Variants in ROR2 observed in about 807,000 individuals in gnomAD.
ROR2 encodes tyrosine-protein kinase transmembrane receptor ROR2.
Under a neutral mutation model 74.9 loss-of-function variants are expected in ROR2, and 33 were observed. The observed-to-expected ratio is 0.44, with a 90% CI of 0.33 to 0.59. The LOEUF is 0.59. Ranked by LOEUF, ROR2 falls within the 20% of genes least tolerant of loss-of-function variation. ROR2 has a pLI of 0.02. For missense variants in ROR2, 1,216 were observed against 1,313.8 expected (o/e 0.93, Z 1.15); for synonymous variants, 586 against 558.7 (o/e 1.05, Z -0.69).
intron 2 of ROR2, among the ~76,000 whole-genome samples, chr9:91,771,557 C>G (rs1438578385): frequency 1.3e-5 from 2 of 152,212 alleles, no homozygotes; most frequent in Non-Finnish European, 2.9e-5. Context: ...TAACCAAGTC[C>G]TACAGTCGCC....
chr9:91,908,233 G>C (rs560889967), intron 1 of ROR2, among the ~76,000 whole-genome samples: 18 of 152,294 alleles, frequency 1.2e-4, no homozygotes, highest in African/African-American at 4.1e-4. Flanking sequence ...GGGCTCCAAG[G>C]GAGACAATGG....
At chr9:91,784,470 G>A (rs1826727136) in intron 1 of ROR2, among the ~76,000 whole-genome samples, 1 of 152,172 alleles carries the variant, frequency 6.6e-6, no homozygotes, top group African/African-American at 2.4e-5. Flanking sequence ...AAAGATGCGT[G>A]CTGTGCAGTT....
intron 6 of ROR2, among the ~76,000 whole-genome samples, chr9:91,732,106 TG>T (rs796398406): frequency 3.9e-5 from 6 of 152,182 alleles, no homozygotes; most frequent in African/African-American, 1.4e-4. Context: ...TGGCTGGTCC[TG>T]GTAAGGAGTC....
chr9:91,884,859 C>T (rs1252324224), intron 1 of ROR2, among the ~76,000 whole-genome samples: 1 of 152,072 alleles, frequency 6.6e-6, no homozygotes, highest in Non-Finnish European at 1.5e-5. Flanking sequence ...CGCTTTGAGG[C>T]CAATTTTTAA....
At chr9:91,909,842 G>GTCTTTTTTTTTTTTTTTTTTTTTTTTTTT (rs1830913177) in intron 1 of ROR2, among the ~76,000 whole-genome samples, 1 of 55,978 alleles carries the variant, frequency 1.8e-5, no homozygotes, top group Non-Finnish European at 3.2e-5. Context: ...TTTTAGGTTT[G>GTCTTTTTTTTTTTTTTTTTTTTTTTTTTT]TTTTGTTTTT....
At chr9:91,777,441 A>G (rs1826458324) in intron 1 of ROR2, among the ~76,000 whole-genome samples, 1 of 151,928 alleles carries the variant, frequency 6.6e-6, no homozygotes, top group Non-Finnish European at 1.5e-5. Flanking sequence ...TCAAAATGTT[A>G]TTATTAGTTA....
chr9:91,873,802 G>A (rs574364102), intron 1 of ROR2, among the ~76,000 whole-genome samples: 4 of 152,246 alleles, frequency 2.6e-5, no homozygotes, highest in African/African-American at 9.6e-5. Flanking sequence ...CTCAGAGTCC[G>A]AAGCCGTGTT....
intron 1 of ROR2, among the ~76,000 whole-genome samples, chr9:91,893,739 G>A (rs1011676504): frequency 6.6e-6 from 1 of 151,820 alleles, no homozygotes; most frequent in African/African-American, 2.4e-5. Flanking sequence ...ACTGTATCCC[G>A]CCACTGATCA....
chr9:91,837,503 CGGGGA>C lies in ROR2; in HGVS notation c.98-61690_98-61686del, dbSNP rs1209165801. ...AAACTTAGCTGTTTAAGAAGGGAGG[CGGGGA>C]GAAGCCTTGCCATATTAAAACAATC... is the stretch of plus-strand genomic sequence containing the variant. On this transcript the variant is annotated intron_variant, in intron 1 of 8. Transcript: ENST00000375708. Among the ~76,000 whole-genome samples, 6 of 152,144 alleles carry C rather than the reference CGGGGA, an allele frequency of 3.9e-5. No individual in the cohort carries two copies. In the East Asian group the frequency reaches 7.7e-4, roughly 19 times the overall value.
chr9:91,727,836 T>C (rs1161710954), intron 7 of ROR2, among the ~76,000 whole-genome samples: 2 of 152,208 alleles, frequency 1.3e-5, no homozygotes, highest in Non-Finnish European at 2.9e-5. Context: ...AAAGTGAACA[T>C]GCTACTGCCA....
intron 2 of ROR2, among the ~76,000 whole-genome samples, chr9:91,773,814 G>A (rs576772721): frequency 9.8e-5 from 15 of 152,328 alleles, no homozygotes; most frequent in Middle Eastern, 6.8e-3. Flanking sequence ...CACTTGGCCA[G>A]TGTCCACTCT....
chr9:91,742,096 C>T (rs1388534483), intron 4 of ROR2, among the ~76,000 whole-genome samples: 1 of 152,186 alleles, frequency 6.6e-6, no homozygotes. Context: ...TTCCACATGG[C>T]TGTGGAGGCC....
At position 91,733,634 on chromosome 9, in the gene ROR2, C is replaced by T. The variant is rs999047996; in HGVS notation, c.623-198G>A. ...CACCAGCAGGCCAGCCTGCCCATCA[C>T]CTGCTCTGATTTGCAGCAGTCACAG... On this transcript the variant is annotated intron_variant, in intron 5 of 8. Coordinates refer to ENST00000375708, the MANE Select transcript of ROR2 (RefSeq NM_004560.4). The surrounding 1 kb of genome is among the most constrained non-coding windows in gnomAD (Gnocchi z 5.7). 1.3e-5 allele frequency among the ~76,000 whole-genome samples: 2 copies of T among 151,506 alleles called. No homozygotes were observed. Among genetic ancestry groups the T allele is most frequent in the African/African-American group, 4.8e-5 (2 of 41,250 alleles).
At chr9:91,830,076 T>A (rs1828415111) in intron 1 of ROR2, among the ~76,000 whole-genome samples, 1 of 152,232 alleles carries the variant, frequency 6.6e-6, no homozygotes, top group East Asian at 1.9e-4. Context: ...TCAACAAAAA[T>A]TATCTTTAAA....
intron 1 of ROR2, among the ~76,000 whole-genome samples, chr9:91,813,178 G>A (rs541577236): frequency 1.8e-4 from 27 of 152,122 alleles, no homozygotes; most frequent in African/African-American, 5.5e-4. Context: ...CTCAGCAAAG[G>A]AAATATAACA....
intron 2 of ROR2, among the ~76,000 whole-genome samples, chr9:91,773,139 GA>G (rs1336164544): frequency 1.3e-5 from 2 of 152,136 alleles, no homozygotes; most frequent in African/African-American, 4.8e-5. Context: ...CTCTGCTCCA[GA>G]AGCCTTGGCA....
chr9:91,892,052 GA>G (rs74312809), intron 1 of ROR2, among the ~76,000 whole-genome samples: 2,309 of 71,018 alleles, frequency 0.033, 21 homozygotes, highest in Non-Finnish European at 0.046. Context: ...TGTCTAAGAA[GA>G]AAAAAAAAAA....
chr9:91,917,715 C>T lies in ROR2; in HGVS notation c.97+32152G>A, dbSNP rs148026967. 5.3e-5 allele frequency among the ~76,000 whole-genome samples: 8 copies of T among 151,216 alleles called. No individual in the cohort carries two copies. In the East Asian group the frequency reaches 1.4e-3, roughly 26 times the overall value. ...TAGAGCTGCATAGGGGAGAGAGATG[C>T]GTGGGTGCACACTGGGGTTGGGGTG... is the stretch of plus-strand genomic sequence containing the variant. On this transcript the variant is annotated intron_variant, in intron 1 of 8. Coordinates refer to ENST00000375708, the MANE Select transcript of ROR2 (RefSeq NM_004560.4).
At chr9:91,927,562 C>CTTTTTTTTTTTTTTTTTTTTTTTTTTTTT in intron 1 of ROR2, among the ~76,000 whole-genome samples, 1 of 94,944 alleles carries the variant, frequency 1.1e-5, no homozygotes, top group African/African-American at 4.4e-5. Context: ...TTTCTAGATT[C>CTTTTTTTTTTTTTTTTTTTTTTTTTTTTT]TTTTTTTTTT....
Sources: allele counts gnomAD v4.1 joint callset (sites outside exome capture counted in the v4.1 genomes callset), GRCh38; gene constraint gnomAD v4.1.1; non-coding constraint Gnocchi (gnomAD v3.1); transcripts MANE v1.5; gene names NCBI Gene and HGNC (gene_info 2026-07-23, HGNC 2026-07-21).